The following FGGY variants were observed in gnomAD, a reference collection of about 807,000 sequenced individuals.
The protein encoded by FGGY is FGGY carbohydrate kinase domain-containing protein.
FGGY carries 72 observed loss-of-function variants against 71.3 expected under a neutral mutation model. The ratio of observed to expected loss-of-function variants is 1.01; its 90% CI spans 0.84 to 1.23. The LOEUF (loss-of-function observed/expected upper bound fraction) is 1.23. Among genes scored for constraint, FGGY ranks in the 50% most tolerant of loss-of-function variants. The pLI is 0.00. For synonymous variants in FGGY, 251 were observed against 250.3 expected, an observed-to-expected ratio of 1.00 and a Z score of -0.02; for missense variants, 668 against 682.3, an observed-to-expected ratio of 0.98 and a Z score of 0.23.
chr1:59,532,692 A>G (rs1317064162), intron 7 of FGGY, among the ~76,000 whole-genome samples: 3 of 152,210 alleles, frequency 2.0e-5, no homozygotes, highest in African/African-American at 7.2e-5. Flanking sequence ...AGAAAAAAAC[A>G]TAATGCAAAT....
intron 4 of FGGY, among the ~76,000 whole-genome samples, chr1:59,352,193 C>T (rs752619531): frequency 2.6e-5 from 4 of 152,130 alleles, no homozygotes; most frequent in South Asian, 2.1e-4. Context: ...GCTGGGGTCT[C>T]CTATCTTTAT....
chr1:59,662,135 C>CA (rs947793448), intron 12 of FGGY, among the ~76,000 whole-genome samples: 1 of 150,368 alleles, frequency 6.7e-6, no homozygotes, highest in African/African-American at 2.4e-5. Context: ...TCCCGGCTAA[C>CA]ATGGTGAAAC....
chr1:59,539,240 G>T (rs1199618778), intron 7 of FGGY, among the ~76,000 whole-genome samples: 1 of 152,146 alleles, frequency 6.6e-6, no homozygotes, highest in African/African-American at 2.4e-5. Context: ...CAGCATTCTA[G>T]CAGATTTGTG....
chr1:59,639,868 C>G (rs1331653161), intron 11 of FGGY, among the ~76,000 whole-genome samples: 1 of 152,124 alleles, frequency 6.6e-6, no homozygotes, highest in Non-Finnish European at 1.5e-5. Context: ...CTCCCAGTAG[C>G]TTTTATCCAT....
In FGGY at chr1:59,466,360, T is replaced by C. The variant is rs575521891; in HGVS notation, c.670+9284T>C. Among the ~76,000 whole-genome samples the C allele has an allele frequency of 8.1e-3, 1,235 of 152,222 alleles. 14 individuals are homozygous for C. Among genetic ancestry groups the C allele is most frequent in the African/African-American group, 0.028 (1,159 of 41,534 alleles). Reference sequence around the variant, plus strand: ...ACCTTATACAAAAATTAATTCAAGATGGATTAAAGACTTAAATGTTAGACC... The same window carrying C: ...ACCTTATACAAAAATTAATTCAAGACGGATTAAAGACTTAAATGTTAGACC... On this transcript the variant is annotated intron_variant, in intron 6 of 15. Transcript: ENST00000303721.
chr1:59,650,947 TG>T (rs2153932809), intron 11 of FGGY, among the ~76,000 whole-genome samples: 1 of 151,436 alleles, frequency 6.6e-6, no homozygotes, highest in African/African-American at 2.5e-5. Flanking sequence ...TCTGGTACGT[TG>T]TGTCTTTGTT....
intron 9 of FGGY, among the ~76,000 whole-genome samples, chr1:59,625,661 C>G (rs989500269): frequency 2.2e-4 from 33 of 152,046 alleles, no homozygotes; most frequent in Non-Finnish European, 4.3e-4. Context: ...CACTCAGACC[C>G]CCCCCATTTG....
chr1:59,653,415 C>T (rs957872442), intron 11 of FGGY, among the ~76,000 whole-genome samples: 21 of 151,986 alleles, frequency 1.4e-4, no homozygotes, highest in African/African-American at 4.4e-4. Context: ...ATTCTGTGGG[C>T]GTAGGACCCT....
At chr1:59,610,119 G>C (rs1285148019) in intron 9 of FGGY, among the ~76,000 whole-genome samples, 1 of 152,204 alleles carries the variant, frequency 6.6e-6, no homozygotes, top group Non-Finnish European at 1.5e-5. Flanking sequence ...AGAACCTGCA[G>C]GTTTGTTACA....
chr1:59,727,027 C>A (rs9436184), intron 14 of FGGY, among the ~76,000 whole-genome samples: 31,391 of 151,990 alleles, frequency 0.21, 3,295 homozygotes, highest in East Asian at 0.29. Flanking sequence ...AGTTTTTCAA[C>A]CCATGTCTCC....
intron 5 of FGGY, among the ~76,000 whole-genome samples, chr1:59,420,557 A>G (rs1298702259): frequency 2.6e-5 from 4 of 152,178 alleles, no homozygotes; most frequent in Non-Finnish European, 4.4e-5. Context: ...TTGTGAGTCC[A>G]GTGTACTTAA....
intron 1 of FGGY, among the ~76,000 whole-genome samples, chr1:59,297,944 A>G (rs2042211230): frequency 6.6e-6 from 1 of 152,234 alleles, no homozygotes; most frequent in Non-Finnish European, 1.5e-5. Context: ...GACATGACCA[A>G]AGTCTGAAAA....
chr1:59,374,693 G>A (rs1022684995), intron 4 of FGGY, among the ~76,000 whole-genome samples: 4 of 152,018 alleles, frequency 2.6e-5, no homozygotes, highest in African/African-American at 9.7e-5. Flanking sequence ...AGAAAATGTG[G>A]CACATATACA....
intron 9 of FGGY, among the ~76,000 whole-genome samples, chr1:59,621,824 A>G (rs2096811065): frequency 6.6e-6 from 1 of 151,760 alleles, no homozygotes; most frequent in African/African-American, 2.4e-5. Context: ...TGAATTTGTA[A>G]GTTGATTCCT....
intron 14 of FGGY, among the ~76,000 whole-genome samples, chr1:59,743,260 C>T (rs2098165489): frequency 6.6e-6 from 1 of 152,194 alleles, no homozygotes; most frequent in African/African-American, 2.4e-5. Flanking sequence ...CAGCCAACTC[C>T]TTGTCAACCT....
chr1:59,494,044 C>T (rs1037434817), intron 6 of FGGY, among the ~76,000 whole-genome samples: 1 of 152,092 alleles, frequency 6.6e-6, no homozygotes, highest in African/African-American at 2.4e-5. Flanking sequence ...GGGAGGAAGG[C>T]AGGGTTTGTA....
intron 5 of FGGY, among the ~76,000 whole-genome samples, chr1:59,421,493 C>T (rs1299008419): frequency 6.9e-6 from 1 of 144,140 alleles, no homozygotes; most frequent in Non-Finnish European, 1.5e-5. Flanking sequence ...CCCCCTCTCT[C>T]CCTCTCCCCC....
intron 8 of FGGY, among the ~76,000 whole-genome samples, chr1:59,583,629 G>T (rs371930641): frequency 7.0e-6 from 1 of 142,156 alleles, no homozygotes; most frequent in South Asian, 2.7e-4. Context: ...CACCTGAGGG[G>T]CATTTCCTCA....
chr1:59,390,803 T>C (rs2060602533), intron 5 of FGGY, among the ~76,000 whole-genome samples: 1 of 152,156 alleles, frequency 6.6e-6, no homozygotes, highest in Non-Finnish European at 1.5e-5. Context: ...CCAATGATAG[T>C]CACAAGGTAA....
Sources: gnomAD v4.1 joint callset for allele counts (sites outside exome capture counted in the v4.1 genomes callset) on GRCh38, gnomAD v4.1.1 for gene constraint, MANE v1.5 for transcripts, NCBI Gene and HGNC (gene_info 2026-07-23, HGNC 2026-07-21) for gene names.